The following ADAMTS7 variants were observed in gnomAD, a reference collection of about 807,000 sequenced individuals.
ADAMTS7 encodes A disintegrin and metalloproteinase with thrombospondin motifs 7.
In ADAMTS7, 89 loss-of-function variants were observed where a neutral mutation model predicts 172.6. The ratio of observed to expected loss-of-function variants is 0.52; its 90% CI spans 0.43 to 0.61. The LOEUF (loss-of-function observed/expected upper bound fraction) is 0.61, where lower values mean the gene tolerates loss of function less well. Among genes scored for constraint, ADAMTS7 ranks in the 20% least tolerant of loss-of-function variants. The pLI is 0.00. For missense variants in ADAMTS7, 1,973 were observed against 2,355.6 expected, an observed-to-expected ratio of 0.84 and a Z score of 3.36; for synonymous variants, 885 against 978.4, an observed-to-expected ratio of 0.90 and a Z score of 1.78.
Position 78,810,652 on chromosome 15 carries a change from C to G in ADAMTS7, c.100+469G>C, listed in dbSNP as rs997006138. 9 of 153,016 alleles carry G rather than the reference C, an allele frequency of 5.9e-5. No individual in the cohort carries two copies. In the East Asian group the frequency reaches 1.7e-3, roughly 29 times the overall value. The allele number at this position is 153,016 out of a possible 1,614,324, so 9.5% of individuals were successfully genotyped here. ...ATGCGGTGGGCGGGAGCTGGGGGGG[C>G]GGCGGGGTCCCGCGAAGACCTGCGA... On this transcript the variant is annotated intron_variant, in intron 1 of 23. Transcript: ENST00000388820.
intron 8 of ADAMTS7, among the ~76,000 whole-genome samples, chr15:78,787,579 G>A (rs1304480850): frequency 1.3e-5 from 2 of 152,198 alleles, no homozygotes; most frequent in Non-Finnish European, 2.9e-5. Context: ...CAGGAGAATC[G>A]CTTGAACCCG....
chr15:78,766,909 A>T lies in ADAMTS7; in HGVS notation c.3002T>A (p.Leu1001Gln). 1 of 1,610,014 alleles carries T rather than the reference A, an allele frequency of 6.2e-7. No individual in the cohort carries two copies. The highest frequency in any genetic ancestry group is 1.1e-5 in the South Asian group (1 of 90,890). The change falls in exon 19 of 24, where the codon CTG becomes CAG. Residue 1001 changes from leucine (L) to glutamine (Q), a missense_variant. Physicochemically the swap from Leu to Gln is moderately radical, Grantham distance 113 (BLOSUM62 -2). This residue lies in a region of ADAMTS7 where 771 missense variants were observed against 952.6 expected (regional missense o/e 0.81). Coordinates refer to ENST00000388820, the MANE Select transcript of ADAMTS7 (RefSeq NM_014272.5). The stretch of plus-strand genomic sequence containing the variant: ...GCCGCTGCCTGAGCCTTCAGGGCCC[A>T]GTGTGCCCAGGGGCCACCGACAGAG... ...LPLCRWPLGT[L>Q]GPEGSGSGSS...
At chr15:78,777,128 C>T (rs2055359057) in intron 9 of ADAMTS7, 10 of 563,902 alleles carry the variant, frequency 1.8e-5, no homozygotes, top group South Asian at 1.4e-4. Context: ...TCACTTCAGG[C>T]GATCTTCGCC....
In ADAMTS7 at chr15:78,767,609, GGTGGCATCAGT is replaced by G. The variant is rs1298616324; in HGVS notation, c.2646-28_2646-18del. ...GCCCACCACCTGGCGAGGGCACACA[GGTGGCATCAGT>G]GTGGCATCAGACAGGTGGCCTGCAG... On this transcript the variant is annotated intron_variant, in intron 17 of 23. Transcript: ENST00000388820. 8 of 1,526,080 alleles carry G rather than the reference GGTGGCATCAGT, an allele frequency of 5.2e-6. No individual in the cohort carries two copies. In the African/African-American group the frequency reaches 5.5e-5, roughly 10 times the overall value. The allele number at this position is 1,526,080 out of a possible 1,614,324, so 94.5% of individuals were successfully genotyped here. A position where few individuals can be genotyped will look rare whatever the true frequency, so the allele number is the denominator to read the frequency against.
Position 78,767,402 on chromosome 15 carries a change from A to T in ADAMTS7, c.2836T>A (p.Trp946Arg), listed in dbSNP as rs145449283. 176 of 1,611,736 alleles carry T rather than the reference A, an allele frequency of 1.1e-4. 1 individual carries two copies. Among genetic ancestry groups the T allele is most frequent in the Admixed American group, 5.5e-4 (33 of 59,992 alleles). ...CNRHVPCPAT[W>R]AVGNWSQCSV... Reference sequence around the variant, plus strand: ...ACCTGAGACCAGTTCCCCACAGCCCAGGTGGCCGGACAGGGTACATGGCGG... The same window carrying T: ...ACCTGAGACCAGTTCCCCACAGCCCTGGTGGCCGGACAGGGTACATGGCGG... The change falls in exon 18 of 24, where the codon TGG becomes AGG. Residue 946 changes from tryptophan to arginine, a missense_variant. Coordinates refer to ENST00000388820, the MANE Select transcript of ADAMTS7 (RefSeq NM_014272.5).
intron 16 of ADAMTS7, chr15:78,770,859 G>GT (rs2141481135): frequency 2.5e-6 from 1 of 394,044 alleles, no homozygotes; most frequent in East Asian, 4.1e-5. Context: ...AGTCAGTGTG[G>GT]TGAGGGGCCA....
rs1292928259 is a variant in ADAMTS7, at chr15:78,761,974, C to A, written c.4903+429G>T. ...CTGTGGTTCCATTGCTCACTCTAGG[C>A]AGTCCTCTAGCCAGGGAATGGACAG... On this transcript the variant is annotated intron_variant, in intron 23 of 23. Coordinates refer to ENST00000388820, the MANE Select transcript of ADAMTS7 (RefSeq NM_014272.5). 3.0e-6 allele frequency: 3 copies of A among 985,324 alleles called. No homozygotes were observed. The African/African-American group carries it at 5.2e-5, about 17-fold the overall frequency. The allele number at this position is 985,324 out of a possible 1,614,324, so 61.0% of individuals were successfully genotyped here.
At chr15:78,794,730 T>G (rs2141515478) in intron 4 of ADAMTS7, among the ~76,000 whole-genome samples, 1 of 152,270 alleles carries the variant, frequency 6.6e-6, no homozygotes, top group African/African-American at 2.4e-5. Context: ...TGTTTTTGTT[T>G]TTTTTGAGAT....
rs1267182398 is a variant in ADAMTS7, at chr15:78,776,412, T to C, written c.1561-79A>G. ...CTCACCCTAGTGAGAACAAGGTGGG[T>C]GGGAAGGCTGCGAAAGGCACAGAGG... On this transcript the variant is annotated intron_variant, in intron 10 of 23. Transcript: ENST00000388820. The C allele has an allele frequency of 2.5e-5, 38 of 1,532,862 alleles. No individual in the cohort carries two copies. In the Middle Eastern group the frequency reaches 7.3e-4, roughly 30 times the overall value. 95.0% of individuals were successfully genotyped at this position (1,532,862 alleles called of 1,614,324 possible).
chr15:78,766,315 C>T lies in ADAMTS7; in HGVS notation c.3596G>A (p.Gly1199Asp). 3 of 1,611,300 alleles carry T rather than the reference C, an allele frequency of 1.9e-6. No individual in the cohort carries two copies. Among genetic ancestry groups the T allele is most frequent in the Non-Finnish European group, 2.5e-6 (3 of 1,180,000 alleles). Residue 1199 changes from glycine to aspartate, a missense_variant, in exon 19 of 24, where the codon GGC becomes GAC. Transcript: ENST00000388820. ...GGGCAGCTGGCTCTGGCTGTCCTTG[C>T]CAACTGGGAAATCATTTTGGCTCTC... is the stretch of plus-strand genomic sequence containing the variant. ...TPESQNDFPV[G>D]KDSQSQLPPP...
At position 78,789,740 on chromosome 15, in the gene ADAMTS7, TC is replaced by T; in HGVS notation, c.1126del (p.Glu376ArgfsTer11). On this transcript the variant is annotated frameshift_variant, in exon 7 of 24. Coordinates refer to ENST00000388820, the MANE Select transcript of ADAMTS7 (RefSeq NM_014272.5). LOFTEE classifies it high-confidence loss of function. Reference sequence around the variant, plus strand: ...GAAGGCCAGCGGCAGGCCCGTGTCCTCGTTGATGCTGCAGCTGCGGTGCGGC... The same window carrying T: ...GAAGGCCAGCGGCAGGCCCGTGTCCTGTTGATGCTGCAGCTGCGGTGCGGC... ...CQPHRSCSIN[E>X]DTGLPLAFTV... 1 of 1,612,904 alleles carries T rather than the reference TC, an allele frequency of 6.2e-7. No homozygotes were observed. Among genetic ancestry groups the T allele is most frequent in the Non-Finnish European group, 8.5e-7 (1 of 1,179,772 alleles).
intron 4 of ADAMTS7, among the ~76,000 whole-genome samples, chr15:78,794,799 C>T (rs1234090199): frequency 2.0e-5 from 3 of 152,196 alleles, no homozygotes; most frequent in Non-Finnish European, 4.4e-5. Flanking sequence ...CTCACTGCAA[C>T]CTTCGCCTCC....
chr15:78,810,878 G>A (rs2055857480), intron 1 of ADAMTS7: 2 of 375,590 alleles, frequency 5.3e-6, no homozygotes, highest in Non-Finnish European at 9.3e-6. Flanking sequence ...CTTATTCCAG[G>A]CGACAGGCAG....
chr15:78,796,405 T>C (rs113356405), intron 4 of ADAMTS7, among the ~76,000 whole-genome samples, 185 bp downstream of exon 4: 4 of 152,042 alleles, frequency 2.6e-5, no homozygotes, highest in Admixed American at 2.0e-4. Flanking sequence ...GGCTCTCTCA[T>C]AGTGACTAGC....
chr15:78,794,171 G>A (rs778455196), intron 4 of ADAMTS7, among the ~76,000 whole-genome samples: 4 of 152,160 alleles, frequency 2.6e-5, no homozygotes, highest in African/African-American at 9.7e-5. Context: ...CCCAGGAAGC[G>A]GAGGTTGCAG....
intron 4 of ADAMTS7, among the ~76,000 whole-genome samples, chr15:78,793,957 C>T (rs1408351367): frequency 7.2e-5 from 11 of 152,164 alleles, no homozygotes; most frequent in Admixed American, 5.9e-4. Context: ...ATCTTTGTTT[C>T]CTCAACTTGA....
At chr15:78,776,365 AC>A (rs2055345973) in intron 10 of ADAMTS7, 32 bp from the exon 11 acceptor site, 2 of 1,596,988 alleles carry the variant, frequency 1.3e-6, no homozygotes, top group Non-Finnish European at 1.7e-6. Context: ...GAGCCACCCC[AC>A]CCCCAAGTCT....
At chr15:78,776,448 AAGGTGAGAG>A in intron 10 of ADAMTS7, 115 bp from the exon 11 acceptor site, 2 of 1,413,698 alleles carry the variant, frequency 1.4e-6, no homozygotes, top group Non-Finnish European at 1.9e-6. Context: ...GGAAGGATGG[AAGGTGAGAG>A]AGGCACCCTC....
Position 78,764,643 on chromosome 15 carries a change from T to C in ADAMTS7, c.4331A>G (p.Glu1444Gly). 6.4e-7 allele frequency: 1 copy of C among 1,570,672 alleles called. No homozygotes were observed. The highest frequency in any genetic ancestry group is 8.6e-7 in the Non-Finnish European group (1 of 1,167,296). Residue 1444 changes from glutamate (E) to glycine (G), a missense_variant, in exon 20 of 24, where the codon GAG becomes GGG. By Grantham distance (98) the Glu-to-Gly change is moderately conservative (BLOSUM62 -2). Transcript: ENST00000388820. The part of the protein sequence containing the change: ...RPVRCSSGRD[E>G]DCAPAGRPQP... ...GGGCCGGCCAGCGGGGGCGCAGTCC[T>C]CATCCCGGCCGGAGCTACAGCGCAC...
Sources: gnomAD v4.1 joint callset for allele counts (sites outside exome capture counted in the v4.1 genomes callset) on GRCh38, gnomAD v4.1.1 for gene constraint, gnomAD v4.1.1 regional missense constraint, MANE v1.5 for transcripts, NCBI Gene and HGNC (gene_info 2026-07-23, HGNC 2026-07-21) for gene names.